Variants in PDGFD observed in about 807,000 individuals in gnomAD.
PDGFD encodes the protein platelet derived growth factor D.
Under a neutral mutation model 44.7 loss-of-function variants are expected in PDGFD, and 30 were observed. The ratio of observed to expected loss-of-function variants is 0.67; its 90% CI spans 0.50 to 0.91. PDGFD has a LOEUF of 0.91. Ranked by LOEUF, PDGFD falls within the 40% of genes least tolerant of loss-of-function variation. The pLI is 0.00. For missense variants in PDGFD, 445 were observed against 457.8 expected, an observed-to-expected ratio of 0.97 and a Z score of 0.25; for synonymous variants, 173 against 168.4, an observed-to-expected ratio of 1.03 and a Z score of -0.21.
At chr11:104,161,835 T>C (rs889702601) in intron 1 of PDGFD, among the ~76,000 whole-genome samples, 1 of 152,208 alleles carries the variant, frequency 6.6e-6, no homozygotes, top group Non-Finnish European at 1.5e-5. Context: ...TAACATTTTT[T>C]ACTCTATATA....
chr11:103,985,818 T>G (rs542508492), intron 3 of PDGFD, among the ~76,000 whole-genome samples: 26 of 152,170 alleles, frequency 1.7e-4, no homozygotes, highest in Middle Eastern at 3.4e-3. Context: ...TGATCACAGC[T>G]CTACATTAGC....
chr11:104,096,671 AACTG>A (rs1447071578), intron 1 of PDGFD, among the ~76,000 whole-genome samples: 1 of 152,178 alleles, frequency 6.6e-6, no homozygotes, highest in African/African-American at 2.4e-5. Context: ...TTTCTGGAAT[AACTG>A]ACTAAGTTGC....
intron 1 of PDGFD, among the ~76,000 whole-genome samples, chr11:104,029,830 T>C (rs1453349773): frequency 6.6e-6 from 1 of 152,186 alleles, no homozygotes; most frequent in African/African-American, 2.4e-5. Flanking sequence ...AGTGGTCATT[T>C]TGAGAATTTT....
At chr11:103,917,813 C>A (rs1858151118) in intron 6 of PDGFD, among the ~76,000 whole-genome samples, 2 of 152,146 alleles carry the variant, frequency 1.3e-5, no homozygotes, top group Admixed American at 1.3e-4. Context: ...CCTTTTATGT[C>A]TCAAGGGTGT....
chr11:104,020,234 C>T (rs1859929195), intron 1 of PDGFD, among the ~76,000 whole-genome samples: 1 of 152,090 alleles, frequency 6.6e-6, no homozygotes, highest in Admixed American at 6.6e-5. Flanking sequence ...TTCCTTGACA[C>T]TATTTCTAGA....
At chr11:104,008,139 TCC>T (rs1859731707) in intron 1 of PDGFD, among the ~76,000 whole-genome samples, 1 of 152,158 alleles carries the variant, frequency 6.6e-6, no homozygotes, top group African/African-American at 2.4e-5. Context: ...CACCATGTCA[TCC>T]CTCTGGCTTC....
chr11:104,077,888 T>C (rs1860988413), intron 1 of PDGFD, among the ~76,000 whole-genome samples: 1 of 152,130 alleles, frequency 6.6e-6, no homozygotes, highest in Non-Finnish European at 1.5e-5. Context: ...TCCCTTCTCC[T>C]TCAAAAAATC....
At chr11:104,150,256 T>A (rs533190065) in intron 1 of PDGFD, among the ~76,000 whole-genome samples, 1 of 152,300 alleles carries the variant, frequency 6.6e-6, no homozygotes, top group Admixed American at 6.5e-5. Flanking sequence ...CAATTTAATC[T>A]TATCTGAAAA....
At chr11:104,060,843 A>G (rs1270262944) in intron 1 of PDGFD, among the ~76,000 whole-genome samples, 1 of 152,230 alleles carries the variant, frequency 6.6e-6, no homozygotes, top group Non-Finnish European at 1.5e-5. Context: ...AAAAAACTGG[A>G]GTAAAATATA....
intron 3 of PDGFD, among the ~76,000 whole-genome samples, chr11:103,950,001 C>A (rs917742538): frequency 6.6e-6 from 1 of 152,022 alleles, no homozygotes; most frequent in African/African-American, 2.4e-5. Context: ...GGGCATAGTG[C>A]GTTTGAGAAG....
At chr11:104,076,020 G>A (rs529995368) in intron 1 of PDGFD, among the ~76,000 whole-genome samples, 37 of 152,300 alleles carry the variant, frequency 2.4e-4, no homozygotes, top group African/African-American at 8.7e-4. Context: ...ACCAGGTGGA[G>A]GTAACAGAAT....
intron 1 of PDGFD, among the ~76,000 whole-genome samples, chr11:104,041,606 C>T (rs188843806): frequency 8.0e-4 from 122 of 152,180 alleles, no homozygotes; most frequent in Middle Eastern, 3.4e-3. Flanking sequence ...AAATCCTTGG[C>T]TTCACTTAAT....
chr11:104,044,425 T>G (rs1168524777), intron 1 of PDGFD, among the ~76,000 whole-genome samples: 2 of 152,178 alleles, frequency 1.3e-5, no homozygotes, highest in South Asian at 2.1e-4. Flanking sequence ...TCACATGTTA[T>G]TAATAAGCCA....
In PDGFD at chr11:104,087,107, C is replaced by T. The variant is rs191461225; in HGVS notation, c.124+76697G>A. On this transcript the variant is annotated intron_variant, in intron 1 of 6. Coordinates refer to ENST00000393158, the MANE Select transcript of PDGFD (RefSeq NM_025208.5). ...GTGGCGCAATCTCAGCTCCCTGCAA[C>T]CTCTGCCTCCCAGGTTCAAGAAGTG... Among the ~76,000 whole-genome samples, 414 of 145,218 alleles carry T rather than the reference C, an allele frequency of 2.9e-3. 2 individuals are homozygous for T. The highest frequency in any genetic ancestry group is 4.7e-3 in the Admixed American group (64 of 13,598).
At chr11:104,026,318 A>G (rs1048387433) in intron 1 of PDGFD, among the ~76,000 whole-genome samples, 14 of 152,234 alleles carry the variant, frequency 9.2e-5, no homozygotes, top group East Asian at 1.9e-4. Flanking sequence ...TAGTTTCAGA[A>G]GTGAGGTTTT....
rs147424476 is a variant in PDGFD at position 104,087,243 on chromosome 11, T to G, written c.124+76561A>C. Among the ~76,000 whole-genome samples the G allele has an allele frequency of 8.1e-3, 1,196 of 146,836 alleles. 14 individuals are homozygous for G. Among genetic ancestry groups the G allele is most frequent in the African/African-American group, 0.028 (1,121 of 39,572 alleles). On this transcript the variant is annotated intron_variant, in intron 1 of 6. Coordinates refer to ENST00000393158, the MANE Select transcript of PDGFD (RefSeq NM_025208.5). The stretch of plus-strand genomic sequence containing the variant: ...AGAGTCTTGCTCTTGTCAACTAGGC[T>G]GAAGTGCAGTGGTGCAATCTCAGCT...
At chr11:104,051,814 G>T (rs1233790291) in intron 1 of PDGFD, among the ~76,000 whole-genome samples, 3 of 151,180 alleles carry the variant, frequency 2.0e-5, no homozygotes, top group South Asian at 2.1e-4. Flanking sequence ...TGCTTTTTTT[G>T]ACTTAAAAAA....
At chr11:103,950,035 T>C (rs1405253500) in intron 3 of PDGFD, among the ~76,000 whole-genome samples, 1 of 152,088 alleles carries the variant, frequency 6.6e-6, no homozygotes, top group Non-Finnish European at 1.5e-5. Flanking sequence ...CAGATGGAGA[T>C]GTTCGGGGGG....
rs1445580073 is a variant in PDGFD, at chr11:104,047,596, T to C, written c.125-47341A>G. Among the ~76,000 whole-genome samples the C allele has an allele frequency of 5.4e-5, 8 of 147,528 alleles. 2 individuals carry two copies. Among genetic ancestry groups the C allele is most frequent in the Non-Finnish European group, 1.5e-5 (1 of 66,094 alleles). ...CTTTTTGATGGGGTTGTTTGCAGGT[T>C]ACATTATTTTTTAAAAAAATAAGGA... On this transcript the variant is annotated intron_variant, in intron 1 of 6. Coordinates refer to ENST00000393158, the MANE Select transcript of PDGFD (RefSeq NM_025208.5).
Sources: gnomAD v4.1 joint callset for allele counts (sites outside exome capture counted in the v4.1 genomes callset) on GRCh38, gnomAD v4.1.1 for gene constraint, MANE v1.5 for transcripts, NCBI Gene and HGNC (gene_info 2026-07-23, HGNC 2026-07-21) for gene names.